Variants in RPN2 observed in about 807,000 individuals in gnomAD.
RPN2 encodes dolichyl-diphosphooligosaccharide--protein glycosyltransferase subunit 2.
RPN2 carries 29 observed loss-of-function variants against 71.4 expected under a neutral mutation model. The observed-to-expected ratio is 0.41, with a 90% confidence interval of 0.30 to 0.55. RPN2 has a LOEUF of 0.55. Ranked by LOEUF, RPN2 falls within the 20% of genes least tolerant of loss-of-function variation. RPN2 has a pLI of 0.35. For synonymous variants in RPN2, 308 were observed against 305.0 expected, an observed-to-expected ratio of 1.01 and a Z score of -0.10; for missense variants, 726 against 774.1, an observed-to-expected ratio of 0.94 and a Z score of 0.74.
intron 2 of RPN2, among the ~76,000 whole-genome samples, chr20:37,195,666 G>A (rs1242636686): frequency 6.6e-6 from 1 of 152,176 alleles, no homozygotes; most frequent in Non-Finnish European, 1.5e-5. Context: ...TAATGATAGA[G>A]GTAGAAGTAG....
At chr20:37,181,817 CA>C (rs1568955634) in intron 1 of RPN2, among the ~76,000 whole-genome samples, 1 of 152,206 alleles carries the variant, frequency 6.6e-6, no homozygotes. Context: ...CTTAGTCCTT[CA>C]TAGACTACCG....
At chr20:37,234,148 C>A (rs2068321527) in intron 15 of RPN2, 53 bp downstream of exon 15, 2 of 1,574,056 alleles carry the variant, frequency 1.3e-6, no homozygotes, top group African/African-American at 2.7e-5. Flanking sequence ...ATTTAGCCTG[C>A]CCACGCAAAA....
intron 16 of RPN2, chr20:37,238,371 C>A: frequency 6.3e-7 from 1 of 1,585,956 alleles, no homozygotes; most frequent in Non-Finnish European, 8.6e-7. Flanking sequence ...ACTGTCCTTT[C>A]TTGATTCTCA....
intron 2 of RPN2, among the ~76,000 whole-genome samples, chr20:37,195,692 T>G (rs1351938594): frequency 6.6e-6 from 1 of 152,206 alleles, no homozygotes; most frequent in Non-Finnish European, 1.5e-5. Flanking sequence ...GTCATTGTTT[T>G]GGGGTCTCCA....
At chr20:37,208,155 A>G (rs953671537) in intron 7 of RPN2, among the ~76,000 whole-genome samples, 8 of 151,940 alleles carry the variant, frequency 5.3e-5, no homozygotes, top group African/African-American at 1.9e-4. Context: ...CTGTAGTCCC[A>G]GCTACTCAGG....
intron 6 of RPN2, among the ~76,000 whole-genome samples, chr20:37,205,343 A>G (rs949820856): frequency 6.6e-6 from 1 of 152,052 alleles, no homozygotes; most frequent in Non-Finnish European, 1.5e-5. Context: ...GCTGATGGAC[A>G]TAGTTCACTG....
In RPN2 at chr20:37,207,297, G is replaced by T; in HGVS notation, c.715G>T (p.Ala239Ser). The change falls in exon 7 of 17, where the codon GCG (alanine) becomes TCG (serine). Residue 239 changes from alanine to serine, a missense_variant. Transcript: ENST00000237530. The part of the protein sequence containing the change: ...KEDQVIQLMN[A>S]IFSKKNFESL... ...GGATCAGGTCATCCAGCTGATGAAC[G>T]CGATCTTCAGCAAGAAGAACTTTGA... The T allele has an allele frequency of 1.2e-6, 2 of 1,613,916 alleles. No homozygotes were observed. Among genetic ancestry groups the T allele is most frequent in the Non-Finnish European group, 1.7e-6 (2 of 1,179,816 alleles).
chr20:37,191,341 G>T lies in RPN2; in HGVS notation c.207+6968G>T, dbSNP rs190010780. Among the ~76,000 whole-genome samples, 52 of 152,234 alleles carry T rather than the reference G, an allele frequency of 3.4e-4. No individual in the cohort carries two copies. The East Asian group carries it at 8.9e-3, about 26-fold the overall frequency. ...AAAATACAGAAGTTAGCTGGGCGTG[G>T]TGGGCATGCCTGTAATCCCAGCTAC... On this transcript the variant is annotated intron_variant, in intron 2 of 16. Coordinates refer to ENST00000237530, the MANE Select transcript of RPN2 (RefSeq NM_002951.5).
chr20:37,203,384 T>C (rs1288304065), intron 4 of RPN2, among the ~76,000 whole-genome samples: 1 of 110,824 alleles, frequency 9.0e-6, no homozygotes, highest in African/African-American at 3.7e-5. Flanking sequence ...TTTTTTTTTT[T>C]CTGAGACAGG....
intron 5 of RPN2, 108 bp downstream of exon 5, chr20:37,204,068 T>A: frequency 1.3e-6 from 1 of 783,288 alleles, no homozygotes; most frequent in Non-Finnish European, 2.2e-6. Context: ...ACATTGCTTC[T>A]TATATCCATG....
rs191948610 is a variant in RPN2, at chr20:37,228,576, G to A, written c.1326G>A (p.Lys442=). Residue 442 remains lysine, a synonymous_variant, in exon 12 of 17, where the codon AAG becomes AAA. Coordinates refer to ENST00000237530, the MANE Select transcript of RPN2 (RefSeq NM_002951.5). ...CATTTGTCCGACTCCATAACCAGAA[G>A]ACTGGCCAGGAAGTGGTGTTTGTTG... ...HQTFVRLHNQ[K]TGQEVVFVAE... 59 of 1,614,198 alleles carry A rather than the reference G, an allele frequency of 3.7e-5. No individual in the cohort carries two copies. In the East Asian group the frequency reaches 1.2e-3, roughly 34 times the overall value.
In RPN2 at chr20:37,237,079, C is replaced by T. The variant is rs543773352; in HGVS notation, c.1883+370C>T. ...GCCCTCCCCACCCTCAACATGTCCC[C>T]GAGAGCTGCTCCTCTGTAACCCTCA... On this transcript the variant is annotated intron_variant, in intron 16 of 16. Transcript: ENST00000237530. Among the ~76,000 whole-genome samples, 4 of 152,278 alleles carry T rather than the reference C, an allele frequency of 2.6e-5. No homozygotes were observed. The South Asian group carries it at 8.3e-4, about 32-fold the overall frequency.
chr20:37,208,333 A>T (rs1422830593), intron 7 of RPN2, among the ~76,000 whole-genome samples: 1 of 151,516 alleles, frequency 6.6e-6, no homozygotes, highest in Non-Finnish European at 1.5e-5. Context: ...TAGGTCTATA[A>T]CTCCAGATGT....
intron 2 of RPN2, among the ~76,000 whole-genome samples, chr20:37,184,768 G>T (rs2066969344): frequency 6.6e-6 from 1 of 152,202 alleles, no homozygotes; most frequent in South Asian, 2.1e-4. Flanking sequence ...CTCCAGCCCA[G>T]GCAACAGTGT....
rs972788709 is a variant in RPN2, at chr20:37,220,742, C to T, written c.1093-3136C>T. ...CTACACTGAACTCTTTAAAAGAGGGCTTTGGAAAAAGTTACGATTTTTATT... is the reference window on the plus strand; with the variant it reads ...CTACACTGAACTCTTTAAAAGAGGGTTTTGGAAAAAGTTACGATTTTTATT... On this transcript the variant is annotated intron_variant, in intron 9 of 16. Coordinates refer to ENST00000237530, the MANE Select transcript of RPN2 (RefSeq NM_002951.5). Among the ~76,000 whole-genome samples the T allele has an allele frequency of 7.9e-5, 12 of 152,234 alleles. No individual in the cohort carries two copies. The East Asian group carries it at 2.3e-3, about 29-fold the overall frequency.
At chr20:37,239,291 T>G (rs1415439156) in intron 16 of RPN2, among the ~76,000 whole-genome samples, 1 of 152,160 alleles carries the variant, frequency 6.6e-6, no homozygotes, top group Non-Finnish European at 1.5e-5. Flanking sequence ...CAACAAAACT[T>G]TATTCACCAA....
chr20:37,225,518 A>G (rs751631963), intron 10 of RPN2, among the ~76,000 whole-genome samples, 170 bp from the exon 11 acceptor site: 2 of 152,206 alleles, frequency 1.3e-5, no homozygotes, highest in Non-Finnish European at 2.9e-5. Flanking sequence ...AGGCTTTATC[A>G]GTCCAATTTG....
chr20:37,206,632 A>G (rs1169138037), intron 6 of RPN2, among the ~76,000 whole-genome samples: 1 of 152,184 alleles, frequency 6.6e-6, no homozygotes, highest in African/African-American at 2.4e-5. Context: ...ACAAATAATT[A>G]CTATTATATA....
intron 8 of RPN2, among the ~76,000 whole-genome samples, chr20:37,210,873 A>G (rs918119893): frequency 1.3e-5 from 2 of 151,328 alleles, no homozygotes; most frequent in African/African-American, 4.9e-5. Context: ...TCTTTTTTCT[A>G]TGTATGTAAA....
Sources: gnomAD v4.1 joint callset for allele counts (sites outside exome capture counted in the v4.1 genomes callset) on GRCh38, gnomAD v4.1.1 for gene constraint, MANE v1.5 for transcripts, NCBI Gene and HGNC (gene_info 2026-07-23, HGNC 2026-07-21) for gene names.